PKP1: variants seen among roughly 807,000 people sequenced by gnomAD.
PKP1 encodes plakophilin 1.
Under a neutral mutation model 76.4 loss-of-function variants are expected in PKP1, and 27 were observed. The observed-to-expected ratio is 0.35, with a 90% CI of 0.26 to 0.49. The LOEUF is 0.49. PKP1 is among the 20% of genes least tolerant of loss of function. The pLI is 0.99. For synonymous variants in PKP1, 404 were observed against 384.2 expected, an observed-to-expected ratio of 1.05 and a Z score of -0.60; for missense variants, 964 against 955.2, an observed-to-expected ratio of 1.01 and a Z score of -0.12.
intron 6 of PKP1, chr1:201,319,965 G>A: frequency 7.1e-7 from 1 of 1,412,042 alleles, no homozygotes; most frequent in Admixed American, 1.7e-5. Context: ...TGAAGGAGGA[G>A]AAGAACTGAG....
chr1:201,312,010 C>T (rs1656571822), intron 2 of PKP1, among the ~76,000 whole-genome samples: 1 of 152,210 alleles, frequency 6.6e-6, no homozygotes, highest in Non-Finnish European at 1.5e-5. Context: ...ACCTCATTGT[C>T]TGTTGTATGT....
chr1:201,307,173 T>C (rs1158536538), intron 2 of PKP1, among the ~76,000 whole-genome samples: 3 of 152,106 alleles, frequency 2.0e-5, no homozygotes, highest in Admixed American at 6.5e-5. Context: ...TGGGTGCAGC[T>C]CCCTCTGCCT....
In PKP1 at chr1:201,328,817, A is replaced by T; in HGVS notation, c.2162A>T (p.Asn721Ile). Residue 721 changes from asparagine (N) to isoleucine (I), a missense_variant, in exon 13 of 14, where the codon AAC (asparagine) becomes ATC (isoleucine). By Grantham distance (149) the Asn-to-Ile change is moderately radical. Coordinates refer to ENST00000367324, the MANE Select transcript of PKP1 (RefSeq NM_001005337.3). ...GTLAGANSLR[N>I]FTSRF ...TTAGCTGGGGCCAACAGCCTCAGGA[A>T]CTTCACCTCCCGATTCTAAGAAGAG... 6.2e-7 allele frequency: 1 copy of T among 1,614,040 alleles called. No individual in the cohort carries two copies. Among genetic ancestry groups the T allele is most frequent in the Non-Finnish European group, 8.5e-7 (1 of 1,179,888 alleles).
chr1:201,294,293 C>CA (rs1366188354), intron 2 of PKP1, among the ~76,000 whole-genome samples: 2 of 152,098 alleles, frequency 1.3e-5, no homozygotes, highest in African/African-American at 4.8e-5. Flanking sequence ...TTTTAAAAGG[C>CA]ATTTAAAAAC....
chr1:201,320,703 T>C (rs10920172), intron 7 of PKP1, among the ~76,000 whole-genome samples: 2,235 of 152,302 alleles, frequency 0.015, 56 homozygotes, highest in African/African-American at 0.052. Flanking sequence ...CTTGATTAGT[T>C]AATAAGCAAA....
chr1:201,322,278 C>T (rs933122361), intron 8 of PKP1, 145 bp downstream of exon 8: 12 of 824,332 alleles, frequency 1.5e-5, no homozygotes, highest in Non-Finnish European at 2.1e-5. Flanking sequence ...TGGCCTGGGG[C>T]TCAGGGTGCA....
At chr1:201,301,275 G>A (rs2284439) in intron 2 of PKP1, among the ~76,000 whole-genome samples, 9,938 of 152,246 alleles carry the variant, frequency 0.065, 1,046 homozygotes, top group African/African-American at 0.22. Flanking sequence ...CAGCTGCTTA[G>A]CAAGTGGGGA....
Position 201,325,089 on chromosome 1 carries a change from C to T in PKP1, c.1983C>T (p.Ser661=), listed in dbSNP as rs199709077. ...QPQLAKQYFS[S]SMLNNIINLC... ...AACTGGCCAAGCAGTACTTCTCCAGCAGCATGCTCAACAACATCATCAACC... is the reference window on the plus strand; with the variant it reads ...AACTGGCCAAGCAGTACTTCTCCAGTAGCATGCTCAACAACATCATCAACC... Residue 661 remains serine (S), a synonymous_variant, in exon 11 of 14, where the codon AGC becomes AGT. Transcript: ENST00000367324. 120 of 1,613,862 alleles carry T rather than the reference C, an allele frequency of 7.4e-5. No individual in the cohort carries two copies. The highest frequency in any genetic ancestry group is 8.8e-5 in the Non-Finnish European group (104 of 1,180,038).
chr1:201,290,671 C>A (rs1161005733), intron 1 of PKP1, among the ~76,000 whole-genome samples: 1 of 152,090 alleles, frequency 6.6e-6, no homozygotes, highest in Non-Finnish European at 1.5e-5. Flanking sequence ...AAGGGTTGGG[C>A]AAGGGAGAAG....
intron 6 of PKP1, 160 bp from the exon 7 acceptor site, chr1:201,320,103 CTTCT>C: frequency 1.4e-6 from 1 of 696,452 alleles, no homozygotes; most frequent in Non-Finnish European, 2.6e-6. Flanking sequence ...TCCTTCCTTC[CTTCT>C]ACCACAACTT....
At position 201,325,769 on chromosome 1, in the gene PKP1, C is replaced by G; in HGVS notation, c.2037C>G (p.Ala679=). The change falls in exon 12 of 14, where the codon GCC becomes GCG. Residue 679 remains alanine (A), a synonymous_variant. Coordinates refer to ENST00000367324, the MANE Select transcript of PKP1 (RefSeq NM_001005337.3). ...NLCRSSASPK[A]AEAARLLLSD... is the part of the protein sequence containing the mutation. Reference sequence around the variant, plus strand: ...ACCTGCCCAGTGCCTCACCCAAGGCCGCAGAAGCTGCCCGGCTTCTCCTGT... The same window carrying G: ...ACCTGCCCAGTGCCTCACCCAAGGCGGCAGAAGCTGCCCGGCTTCTCCTGT... 3 of 1,613,888 alleles carry G rather than the reference C, an allele frequency of 1.9e-6. No individual in the cohort carries two copies. Among genetic ancestry groups the G allele is most frequent in the Admixed American group, 1.7e-5 (1 of 60,030 alleles).
At chr1:201,309,495 C>A (rs1032924933) in intron 2 of PKP1, among the ~76,000 whole-genome samples, 2 of 152,208 alleles carry the variant, frequency 1.3e-5, no homozygotes, top group African/African-American at 4.8e-5. Context: ...GTGACCAACT[C>A]TGCTCTCAGG....
chr1:201,321,839 A>G, intron 7 of PKP1, 139 bp from the exon 8 acceptor site: 1 of 913,308 alleles, frequency 1.1e-6, no homozygotes, highest in Non-Finnish European at 1.7e-6. Context: ...TCCCAGGCTG[A>G]TAGTGTGGTG....
chr1:201,288,800 G>T (rs1655814487), intron 1 of PKP1, among the ~76,000 whole-genome samples: 1 of 152,076 alleles, frequency 6.6e-6, no homozygotes, highest in South Asian at 2.1e-4. Flanking sequence ...CAGTCCTCAG[G>T]CTTGGTGGTG....
chr1:201,320,129 C>G, intron 6 of PKP1, 138 bp from the exon 7 acceptor site: 1 of 708,816 alleles, frequency 1.4e-6, no homozygotes, highest in Non-Finnish European at 2.6e-6. Flanking sequence ...CAATCTCCAC[C>G]CCGTCGTCTC....
intron 9 of PKP1, among the ~76,000 whole-genome samples, chr1:201,324,136 C>G (rs886405699): frequency 1.3e-5 from 2 of 152,076 alleles, no homozygotes; most frequent in Admixed American, 1.3e-4. Flanking sequence ...CAGCATTGGA[C>G]GCTTGGGTTA....
intron 5 of PKP1, among the ~76,000 whole-genome samples, chr1:201,318,169 C>G (rs1656820930): frequency 6.6e-6 from 1 of 152,098 alleles, no homozygotes; most frequent in East Asian, 1.9e-4. Flanking sequence ...GGTAGGCACT[C>G]AAGGTGGGGG....
intron 4 of PKP1, 46 bp downstream of exon 4, chr1:201,316,743 T>C: frequency 6.2e-7 from 1 of 1,606,796 alleles, no homozygotes; most frequent in Non-Finnish European, 8.5e-7. Flanking sequence ...GCGGAGGGCC[T>C]GGGTGTGTCA....
intron 1 of PKP1, among the ~76,000 whole-genome samples, chr1:201,287,246 G>T (rs949646350): frequency 6.6e-6 from 1 of 152,204 alleles, no homozygotes; most frequent in South Asian, 2.1e-4. Context: ...CAGGGGAGGT[G>T]CCTGCTCCCT....
Sources: allele counts gnomAD v4.1 joint callset (sites outside exome capture counted in the v4.1 genomes callset), GRCh38; gene constraint gnomAD v4.1.1; transcripts MANE v1.5; gene names NCBI Gene and HGNC (gene_info 2026-07-23, HGNC 2026-07-21).